The following HADH variants were observed in gnomAD, a reference collection of about 807,000 sequenced individuals.
The protein encoded by HADH is hydroxyacyl-coenzyme A dehydrogenase, mitochondrial.
HADH carries 24 observed loss-of-function variants against 32.2 expected under a neutral mutation model. The observed-to-expected ratio is 0.75, with a 90% CI of 0.54 to 1.05. The LOEUF is 1.05. Ranked by LOEUF, HADH falls within the 50% of genes least tolerant of loss-of-function variation. The pLI, the probability that HADH is intolerant of heterozygous loss-of-function variation, is 0.00. For missense variants in HADH, 350 were observed against 397.1 expected (o/e 0.88, Z 1.01); for synonymous variants, 139 against 152.5 (o/e 0.91, Z 0.65).
chr4:107,992,421 C>T (rs974460389), intron 1 of HADH, among the ~76,000 whole-genome samples: 2 of 152,218 alleles, frequency 1.3e-5, no homozygotes, highest in African/African-American at 2.4e-5. Flanking sequence ...CTTTTGCACC[C>T]TACCCTGTAG....
At chr4:108,028,186 C>T (rs747618238) in intron 6 of HADH, 5 of 252,530 alleles carry the variant, frequency 2.0e-5, no homozygotes, top group South Asian at 5.7e-5. Flanking sequence ...GTGACAAGGC[C>T]GATATGTGGT....
chr4:107,992,732 CA>C (rs1389231706), intron 1 of HADH, among the ~76,000 whole-genome samples: 1 of 152,140 alleles, frequency 6.6e-6, no homozygotes, highest in Non-Finnish European at 1.5e-5. Context: ...ATGCATATGT[CA>C]AGCAGTTACA....
chr4:108,033,065 T>A, intron 6 of HADH, 111 bp from the exon 7 acceptor site: 4 of 752,920 alleles, frequency 5.3e-6, no homozygotes, highest in South Asian at 2.8e-5. Flanking sequence ...AGTCTAGGCA[T>A]TTTTTTTATT....
chr4:108,007,848 C>G (rs1735340485), intron 1 of HADH, among the ~76,000 whole-genome samples: 1 of 152,140 alleles, frequency 6.6e-6, no homozygotes, highest in African/African-American at 2.4e-5. Context: ...ATGGGTTGGG[C>G]ACTGGGGTTT....
At chr4:108,019,747 C>A in intron 4 of HADH, 81 bp downstream of exon 4, 3 of 1,520,524 alleles carry the variant, frequency 2.0e-6, no homozygotes, top group Non-Finnish European at 1.8e-6. Context: ...ACCAGCCCTG[C>A]CACCAGTTGC....
At chr4:108,026,890 T>C (rs1205261016) in intron 5 of HADH, 1 of 152,292 alleles carries the variant, frequency 6.6e-6, no homozygotes, top group Non-Finnish European at 1.5e-5. Flanking sequence ...AAGAGATCAG[T>C]AGATAAAATC....
At chr4:108,018,917 A>T (rs1237983225) in intron 3 of HADH, among the ~76,000 whole-genome samples, 2 of 152,336 alleles carry the variant, frequency 1.3e-5, no homozygotes, top group Non-Finnish European at 1.5e-5. Context: ...TTAATGTCTT[A>T]TATATGCATA....
At chr4:107,996,232 A>G (rs1734954885) in intron 1 of HADH, among the ~76,000 whole-genome samples, 1 of 152,190 alleles carries the variant, frequency 6.6e-6, no homozygotes, top group Non-Finnish European at 1.5e-5. Flanking sequence ...AACTAAAAGA[A>G]AAAACCCACT....
intron 4 of HADH, among the ~76,000 whole-genome samples, chr4:108,022,535 A>G (rs1031413398): frequency 1.3e-4 from 20 of 152,140 alleles, no homozygotes; most frequent in African/African-American, 4.6e-4. Flanking sequence ...GCTGGCCTCT[A>G]GAGCATCTGT....
At chr4:108,001,467 CTT>C (rs1735116492) in intron 1 of HADH, among the ~76,000 whole-genome samples, 1 of 152,130 alleles carries the variant, frequency 6.6e-6, no homozygotes, top group Non-Finnish European at 1.5e-5. Flanking sequence ...AAAAATGAAA[CTT>C]TTATTGGCAA....
intron 4 of HADH, among the ~76,000 whole-genome samples, 174 bp from the exon 5 acceptor site, chr4:108,023,300 A>G (rs1160431735): frequency 1.3e-5 from 2 of 152,140 alleles, no homozygotes; most frequent in East Asian, 1.9e-4. Context: ...CCTCTGTTTT[A>G]AAATAGTCAT....
chr4:108,000,247 C>T (rs1268714348), intron 1 of HADH, among the ~76,000 whole-genome samples: 1 of 152,222 alleles, frequency 6.6e-6, no homozygotes, highest in African/African-American at 2.4e-5. Flanking sequence ...GATCATTACA[C>T]ATTTTAGGCA....
chr4:108,034,629 T>G lies in HADH; in HGVS notation c.*272T>G. The stretch of plus-strand genomic sequence containing the variant: ...CTTGGTGCCTTGGAGCAAACATGTT[T>G]TTTGAACCTTGTCATTTTTGTGAAG... On this transcript the variant is annotated 3_prime_UTR_variant, in exon 8 of 8. Transcript: ENST00000309522. 1 of 389,028 alleles carries G rather than the reference T, an allele frequency of 2.6e-6. No individual in the cohort carries two copies. The highest frequency in any genetic ancestry group is 2.1e-5 in the South Asian group (1 of 47,646). 24.1% of individuals were successfully genotyped at this position (389,028 alleles called of 1,614,324 possible).
intron 1 of HADH, among the ~76,000 whole-genome samples, chr4:108,009,359 C>T (rs1735400428): frequency 6.6e-6 from 1 of 152,138 alleles, no homozygotes; most frequent in African/African-American, 2.4e-5. Flanking sequence ...TTACTTAATT[C>T]CAATTAATTT....
intron 1 of HADH, chr4:108,005,017 A>T: frequency 1.3e-6 from 1 of 798,602 alleles, no homozygotes; most frequent in South Asian, 1.7e-5. Flanking sequence ...TTTATTTTAT[A>T]CTGTAACTCA....
At position 108,034,347 on chromosome 4, in the gene HADH, A is replaced by G; in HGVS notation, c.935A>G (p.Lys312Arg). The stretch of plus-strand genomic sequence containing the variant: ...AAGAAGACTGGAGAAGGATTTTACA[A>G]ATACAAGTGATGTGCAGCTTCTCCG... ...FGKKTGEGFY[K>R]YK The change falls in exon 8 of 8, where the codon AAA becomes AGA. Residue 312 changes from lysine (K) to arginine (R), a missense_variant. Lys to Arg is a conservative substitution (Grantham distance 26). Transcript: ENST00000309522. 1 of 1,587,350 alleles carries G rather than the reference A, an allele frequency of 6.3e-7. No homozygotes were observed. Among genetic ancestry groups the G allele is most frequent in the Non-Finnish European group, 8.7e-7 (1 of 1,155,542 alleles).
intron 5 of HADH, chr4:108,025,118 A>G (rs1181112946): frequency 2.0e-5 from 3 of 152,250 alleles, no homozygotes; most frequent in Non-Finnish European, 2.9e-5. Flanking sequence ...TTGTTGTAGC[A>G]TGAAAACAGC....
chr4:108,023,829 G>A lies in HADH; in HGVS notation c.636+266G>A, dbSNP rs1735975211. 8 of 445,590 alleles carry A rather than the reference G, an allele frequency of 1.8e-5. No individual in the cohort carries two copies. In the East Asian group the frequency reaches 3.4e-4, roughly 19 times the overall value. 27.6% of individuals were successfully genotyped at this position (445,590 alleles called of 1,614,324 possible). ...GACACCAGCTGAGTAGAAGACACGG[G>A]ACTGCTCTCTGTCCTGGCTTTTGTC... On this transcript the variant is annotated intron_variant, in intron 5 of 7. Coordinates refer to ENST00000309522, the MANE Select transcript of HADH (RefSeq NM_005327.7).
At chr4:108,005,068 G>C (rs1467460335) in intron 1 of HADH, among the ~76,000 whole-genome samples, 3 of 151,742 alleles carry the variant, frequency 2.0e-5, no homozygotes, top group African/African-American at 7.3e-5. Flanking sequence ...TTTATTTTCT[G>C]TATTGGAAAC....
Sources: allele counts gnomAD v4.1 joint callset (sites outside exome capture counted in the v4.1 genomes callset), GRCh38; gene constraint gnomAD v4.1.1; transcripts MANE v1.5; gene names NCBI Gene and HGNC (gene_info 2026-07-23, HGNC 2026-07-21).